The following SOX5 variants were observed in gnomAD, a reference collection of about 807,000 sequenced individuals.
SOX5 encodes the protein SRY-box transcription factor 5.
A neutral mutation model predicts 92.0 loss-of-function variants in SOX5; 9 were observed. The ratio of observed to expected loss-of-function variants is 0.10; its 90% CI spans 0.06 to 0.17. The LOEUF (loss-of-function observed/expected upper bound fraction) is 0.17, where lower values mean the gene tolerates loss of function less well. Among genes scored for constraint, SOX5 ranks in the 10% least tolerant of loss-of-function variants. The pLI, the probability that SOX5 is intolerant of heterozygous loss-of-function variation, is 1.00. For missense variants in SOX5, 642 were observed against 944.5 expected (o/e 0.68, Z 4.20); for synonymous variants, 344 against 336.3 (o/e 1.02, Z -0.25).
chr12:23,536,412 G>C, intron 14 of SOX5, 41 bp downstream of exon 14: 4 of 1,468,560 alleles, frequency 2.7e-6, no homozygotes. Flanking sequence ...AAGTATAACA[G>C]GAAGTTTGCC....
At chr12:23,824,606 G>A (rs1284237273) in intron 3 of SOX5, among the ~76,000 whole-genome samples, 1 of 152,168 alleles carries the variant, frequency 6.6e-6, no homozygotes, top group Non-Finnish European at 1.5e-5. Flanking sequence ...CCCACTTTAG[G>A]AGGCAGTCTG....
At chr12:23,741,396 TCTA>T (rs1187155464) in intron 4 of SOX5, among the ~76,000 whole-genome samples, 1 of 152,162 alleles carries the variant, frequency 6.6e-6, no homozygotes, top group East Asian at 1.9e-4. Flanking sequence ...TGGCTGAACA[TCTA>T]CTGTTTTTAA....
chr12:23,565,784 C>A (rs1946966401), intron 10 of SOX5, among the ~76,000 whole-genome samples: 1 of 152,160 alleles, frequency 6.6e-6, no homozygotes, highest in Admixed American at 6.6e-5. Context: ...TTTGTATCTG[C>A]TATGTTAAAT....
intron 6 of SOX5, among the ~76,000 whole-genome samples, chr12:23,719,857 T>A (rs1253693872): frequency 6.7e-6 from 1 of 148,294 alleles, no homozygotes; most frequent in Non-Finnish European, 1.5e-5. Context: ...TCCTAAATTC[T>A]CAGAGAGATG....
chr12:23,742,244 T>G (rs2093822733), intron 4 of SOX5, among the ~76,000 whole-genome samples: 1 of 152,160 alleles, frequency 6.6e-6, no homozygotes, highest in Non-Finnish European at 1.5e-5. Context: ...ATAATTTTTA[T>G]ATGACCATTT....
intron 10 of SOX5, among the ~76,000 whole-genome samples, chr12:23,565,977 C>T (rs1223112917): frequency 6.6e-6 from 1 of 152,180 alleles, no homozygotes; most frequent in Non-Finnish European, 1.5e-5. Context: ...CCTGACCCTA[C>T]CCTCACTCTT....
chr12:23,540,113 G>C (rs917044606), intron 13 of SOX5, among the ~76,000 whole-genome samples: 9 of 150,806 alleles, frequency 6.0e-5, no homozygotes, highest in African/African-American at 1.9e-4. Flanking sequence ...AAAAAAGAGA[G>C]AAAAAATATC....
intron 2 of SOX5, among the ~76,000 whole-genome samples, chr12:23,874,865 G>A (rs1443708292): frequency 3.3e-5 from 5 of 152,172 alleles, no homozygotes; most frequent in African/African-American, 1.2e-4. Flanking sequence ...TATCCATACT[G>A]TTTTCCACCT....
chr12:24,132,714 T>C (rs966080581), intron 4 of SOX5, among the ~76,000 whole-genome samples: 1 of 151,902 alleles, frequency 6.6e-6, no homozygotes, highest in African/African-American at 2.4e-5. Context: ...AGTTTTAAAA[T>C]CAAACAAGCA....
chr12:24,358,608 T>C (rs1156437193), intron 2 of SOX5, among the ~76,000 whole-genome samples: 7 of 114,492 alleles, frequency 6.1e-5, no homozygotes, highest in Non-Finnish European at 1.3e-4. Flanking sequence ...CGAGACTCCA[T>C]CTCAAAAAAA....
chr12:24,375,248 C>T (rs1566017516), intron 1 of SOX5, among the ~76,000 whole-genome samples: 1 of 151,974 alleles, frequency 6.6e-6, no homozygotes, highest in Non-Finnish European at 1.5e-5. Flanking sequence ...GCTGGGATTA[C>T]AGGCGTGAGC....
intron 4 of SOX5, among the ~76,000 whole-genome samples, chr12:24,187,319 G>A (rs990287365): frequency 5.9e-5 from 9 of 152,184 alleles, no homozygotes; most frequent in Admixed American, 5.9e-4. Flanking sequence ...AAGTCCTGCT[G>A]CTTTCTGAGC....
In SOX5 at chr12:23,977,851, C is replaced by T. The variant is rs1949089984; in HGVS notation, c.-1-81827G>A. Among the ~76,000 whole-genome samples, 8 of 152,114 alleles carry T rather than the reference C, an allele frequency of 5.3e-5. No individual in the cohort carries two copies. The South Asian group carries it at 1.7e-3, about 31-fold the overall frequency. On this transcript the variant is annotated intron_variant, in intron 4 of 4. Transcript: ENST00000446891. Reference sequence around the variant, plus strand: ...CCTATTGGTTCTAACTCTGTTAGAACTGTAGTCCAGATACTAATTTGTGGA... The same window carrying T: ...CCTATTGGTTCTAACTCTGTTAGAATTGTAGTCCAGATACTAATTTGTGGA...
At chr12:24,237,784 A>T (rs1352080233) in intron 3 of SOX5, 1 of 152,224 alleles carries the variant, frequency 6.6e-6, no homozygotes, top group Non-Finnish European at 1.5e-5. Context: ...GTAATTATGG[A>T]TTAACTTTGC....
intron 3 of SOX5, among the ~76,000 whole-genome samples, chr12:23,778,879 A>C (rs2095192076): frequency 1.3e-5 from 2 of 152,348 alleles, no homozygotes; most frequent in Admixed American, 1.3e-4. Context: ...AGGCCTCAGA[A>C]GCTAGAGTAC....
At chr12:24,456,861 G>A (rs1163290414) in intron 1 of SOX5, among the ~76,000 whole-genome samples, 2 of 152,210 alleles carry the variant, frequency 1.3e-5, no homozygotes, top group Non-Finnish European at 2.9e-5. Flanking sequence ...ACTTTCCAGA[G>A]TGTGATTAGC....
At chr12:23,993,499 A>C (rs772321038) in intron 4 of SOX5, among the ~76,000 whole-genome samples, 8 of 152,154 alleles carry the variant, frequency 5.3e-5, no homozygotes, top group Non-Finnish European at 1.2e-4. Flanking sequence ...AACTGTCATC[A>C]TGACTTCATC....
intron 11 of SOX5, among the ~76,000 whole-genome samples, chr12:23,549,685 A>C (rs1373449013): frequency 1.3e-5 from 2 of 151,968 alleles, no homozygotes; most frequent in Non-Finnish European, 2.9e-5. Context: ...TGGGCCAAAC[A>C]AGATGACCTG....
intron 6 of SOX5, among the ~76,000 whole-genome samples, chr12:23,690,212 C>T (rs1033560591): frequency 2.0e-5 from 3 of 152,158 alleles, no homozygotes; most frequent in Admixed American, 1.3e-4. Context: ...TCATTCATCA[C>T]ATTAAATTAT....
Sources: gnomAD v4.1 joint callset for allele counts (sites outside exome capture counted in the v4.1 genomes callset) on GRCh38, gnomAD v4.1.1 for gene constraint, MANE v1.5 for transcripts, NCBI Gene and HGNC (gene_info 2026-07-23, HGNC 2026-07-21) for gene names.